The following SORCS3 variants were observed in gnomAD, a reference collection of about 807,000 sequenced individuals.
The protein encoded by SORCS3 is sortilin related VPS10 domain containing receptor 3.
A neutral mutation model predicts 146.3 loss-of-function variants in SORCS3; 57 were observed. The observed-to-expected ratio is 0.39, with a 90% CI of 0.31 to 0.49. The LOEUF is 0.49. Among genes scored for constraint, SORCS3 ranks in the 20% least tolerant of loss-of-function variants. The probability of loss-of-function intolerance (pLI) is 0.92; values close to 1 mark genes in which losing one functional copy is unlikely to be tolerated. For synonymous variants in SORCS3, 653 were observed against 618.5 expected (o/e 1.06, Z -0.83); for missense variants, 1,341 against 1,575.5 (o/e 0.85, Z 2.52).
intron 2 of SORCS3, among the ~76,000 whole-genome samples, chr10:104,858,289 C>A (rs1354177957): frequency 6.6e-6 from 1 of 152,106 alleles, no homozygotes; most frequent in African/African-American, 2.4e-5. Flanking sequence ...ACCCATATAT[C>A]TTTACATAAT....
intron 1 of SORCS3, among the ~76,000 whole-genome samples, chr10:104,830,245 C>T (rs192442479): frequency 9.7e-4 from 147 of 152,200 alleles, no homozygotes; most frequent in Non-Finnish European, 8.7e-4. Context: ...TTCTTTTTTA[C>T]GGCTGCATAG....
intron 13 of SORCS3, among the ~76,000 whole-genome samples, chr10:105,169,213 T>C (rs894062697): frequency 6.6e-6 from 1 of 152,174 alleles, no homozygotes; most frequent in Non-Finnish European, 1.5e-5. Flanking sequence ...ATTTCTGTCA[T>C]GGATGCTCTT....
chr10:104,837,941 T>C (rs969054728), intron 1 of SORCS3, among the ~76,000 whole-genome samples: 4 of 152,202 alleles, frequency 2.6e-5, no homozygotes, highest in African/African-American at 9.7e-5. Flanking sequence ...GCAGAAATGC[T>C]GGTTCTGTCT....
At chr10:105,146,076 C>A (rs1228074764) in intron 8 of SORCS3, among the ~76,000 whole-genome samples, 2 of 152,082 alleles carry the variant, frequency 1.3e-5, no homozygotes, top group Admixed American at 1.3e-4. Context: ...ATCCTTTTAC[C>A]AGTGCTTTCC....
intron 13 of SORCS3, among the ~76,000 whole-genome samples, chr10:105,175,702 T>C (rs912595725): frequency 2.6e-5 from 4 of 152,220 alleles, no homozygotes; most frequent in Admixed American, 6.5e-5. Flanking sequence ...TTGGGGCTAG[T>C]TTAAATGATT....
At chr10:104,903,810 C>T (rs2018876729) in intron 2 of SORCS3, among the ~76,000 whole-genome samples, 1 of 152,082 alleles carries the variant, frequency 6.6e-6, no homozygotes, top group Non-Finnish European at 1.5e-5. Context: ...GATATTATCA[C>T]AGATTGAATG....
intron 1 of SORCS3, among the ~76,000 whole-genome samples, chr10:104,743,863 C>T (rs1268736214): frequency 6.6e-6 from 1 of 152,182 alleles, no homozygotes; most frequent in African/African-American, 2.4e-5. Flanking sequence ...TCCTTTTATT[C>T]AGGCATCCGC....
chr10:104,808,564 T>G (rs2017706147), intron 1 of SORCS3, among the ~76,000 whole-genome samples: 1 of 151,970 alleles, frequency 6.6e-6, no homozygotes, highest in African/African-American at 2.4e-5. Flanking sequence ...GAAAAACATG[T>G]GTGAAGGCCT....
intron 6 of SORCS3, among the ~76,000 whole-genome samples, chr10:105,091,747 A>G (rs1207097331): frequency 6.6e-6 from 1 of 152,150 alleles, no homozygotes; most frequent in Non-Finnish European, 1.5e-5. Context: ...CTGGATTCAA[A>G]ATTATATTAT....
At chr10:104,728,864 G>A (rs1354928894) in intron 1 of SORCS3, among the ~76,000 whole-genome samples, 1 of 152,154 alleles carries the variant, frequency 6.6e-6, no homozygotes, top group East Asian at 1.9e-4. Flanking sequence ...TAGGAATAAT[G>A]AATACAAATG....
At chr10:104,946,597 C>T (rs751516552) in intron 3 of SORCS3, among the ~76,000 whole-genome samples, 6 of 152,264 alleles carry the variant, frequency 3.9e-5, no homozygotes, top group Middle Eastern at 3.4e-3. Flanking sequence ...TGAAGTTGCC[C>T]GTAGGTTGGT....
intron 1 of SORCS3, among the ~76,000 whole-genome samples, chr10:104,814,864 T>A (rs935005133): frequency 1.3e-5 from 2 of 152,216 alleles, no homozygotes; most frequent in Admixed American, 6.5e-5. Flanking sequence ...CATTTTTAAG[T>A]CTTCTCACAT....
intron 2 of SORCS3, among the ~76,000 whole-genome samples, chr10:104,860,667 G>T (rs1285525009): frequency 6.6e-6 from 1 of 152,142 alleles, no homozygotes; most frequent in Non-Finnish European, 1.5e-5. Flanking sequence ...GCCGGACAAT[G>T]ATCGAAGTGC....
intron 14 of SORCS3, 74 bp from the exon 15 acceptor site, chr10:105,199,925 T>C (rs940893328): frequency 1.6e-5 from 17 of 1,057,822 alleles, no homozygotes; most frequent in Non-Finnish European, 2.5e-5. Context: ...ATCTCCTTCC[T>C]AGTTTCTGTG....
intron 1 of SORCS3, among the ~76,000 whole-genome samples, chr10:104,800,718 G>A (rs968643529): frequency 6.6e-6 from 1 of 152,204 alleles, no homozygotes; most frequent in Non-Finnish European, 1.5e-5. Context: ...TAGTCCTAGA[G>A]AATCCAAATA....
chr10:104,744,967 A>T (rs1259834690), intron 1 of SORCS3, among the ~76,000 whole-genome samples: 4 of 152,222 alleles, frequency 2.6e-5, no homozygotes, highest in Non-Finnish European at 4.4e-5. Context: ...ATTAATTCCA[A>T]ATGTGTTTAT....
intron 1 of SORCS3, among the ~76,000 whole-genome samples, chr10:104,678,158 G>C (rs2015933178): frequency 7.6e-6 from 1 of 131,572 alleles, no homozygotes; most frequent in Non-Finnish European, 1.8e-5. Flanking sequence ...CAACAATAAA[G>C]GGAGTGTACT....
chr10:105,049,889 G>A (rs1252198987), intron 5 of SORCS3, among the ~76,000 whole-genome samples: 4 of 151,976 alleles, frequency 2.6e-5, no homozygotes, highest in East Asian at 1.9e-4. Context: ...AGGTTCAGTC[G>A]TATCTCAAAT....
chr10:104,871,103 C>T (rs895958550), intron 2 of SORCS3, among the ~76,000 whole-genome samples: 12 of 152,166 alleles, frequency 7.9e-5, no homozygotes, highest in Admixed American at 4.6e-4. Context: ...AGAGGAACCA[C>T]GGGATGAAGT....
Sources: gnomAD v4.1 joint callset for allele counts (sites outside exome capture counted in the v4.1 genomes callset) on GRCh38, gnomAD v4.1.1 for gene constraint, MANE v1.5 for transcripts, NCBI Gene and HGNC (gene_info 2026-07-23, HGNC 2026-07-21) for gene names.